The following EMCN variants were observed in gnomAD, a reference collection of about 807,000 sequenced individuals.
EMCN encodes MUC-14.
Under a neutral mutation model 38.4 loss-of-function variants are expected in EMCN, and 37 were observed. The observed-to-expected ratio is 0.96, with a 90% CI of 0.74 to 1.27. EMCN has a LOEUF of 1.27. Among genes scored for constraint, EMCN ranks in the 50% most tolerant of loss-of-function variants. The probability of loss-of-function intolerance (pLI) is 0.00; values close to 1 mark genes in which losing one functional copy is unlikely to be tolerated. For synonymous variants in EMCN, 95 were observed against 100.8 expected (o/e 0.94, Z 0.35); for missense variants, 318 against 302.8 (o/e 1.05, Z -0.37).
At chr4:100,449,116 C>T (rs1727767823) in intron 4 of EMCN, among the ~76,000 whole-genome samples, 2 of 151,880 alleles carry the variant, frequency 1.3e-5, no homozygotes, top group East Asian at 1.9e-4. Context: ...CCAGTAGAAA[C>T]ATATGGATAG....
chr4:100,399,336 A>G (rs567320121), intron 11 of EMCN, among the ~76,000 whole-genome samples: 4 of 152,178 alleles, frequency 2.6e-5, no homozygotes, highest in Admixed American at 1.3e-4. Context: ...TGGGGAGAGC[A>G]TGATATGGTG....
At position 100,450,298 on chromosome 4, in the gene EMCN, T is replaced by G. The variant is rs137926872; in HGVS notation, c.377-2727A>C. 3.0e-4 allele frequency among the ~76,000 whole-genome samples: 46 copies of G among 152,066 alleles called. No individual in the cohort carries two copies. In the East Asian group the frequency reaches 6.0e-3, roughly 20 times the overall value. On this transcript the variant is annotated intron_variant, in intron 4 of 11. Coordinates refer to ENST00000296420, the MANE Select transcript of EMCN (RefSeq NM_016242.4). ...TTAATTTTTGAATATGAAATTGAAG[T>G]CTTATGAAATGTAAATGAATTTTGA...
intron 1 of EMCN, among the ~76,000 whole-genome samples, chr4:100,511,760 C>T (rs1166620201): frequency 4.0e-5 from 6 of 151,700 alleles, no homozygotes; most frequent in Admixed American, 6.6e-5. Context: ...AAAATGTTCT[C>T]ATCAAGAAAA....
chr4:100,422,740 T>C (rs1365195185), intron 7 of EMCN, among the ~76,000 whole-genome samples: 1 of 151,866 alleles, frequency 6.6e-6, no homozygotes, highest in African/African-American at 2.4e-5. Flanking sequence ...TTGATCGTAA[T>C]TGTTAAACAC....
At chr4:100,489,827 G>A (rs1729031480) in intron 1 of EMCN, among the ~76,000 whole-genome samples, 1 of 152,100 alleles carries the variant, frequency 6.6e-6, no homozygotes, top group Non-Finnish European at 1.5e-5. Context: ...GCCGACTGTG[G>A]GACTTGAGCA....
chr4:100,443,922 A>C (rs531519370), intron 5 of EMCN, among the ~76,000 whole-genome samples: 1 of 152,350 alleles, frequency 6.6e-6, no homozygotes, highest in East Asian at 1.9e-4. Flanking sequence ...ACCAGGAGTC[A>C]ACAGAGGTCA....
chr4:100,468,993 G>C (rs1310856635), intron 3 of EMCN, among the ~76,000 whole-genome samples: 2 of 151,946 alleles, frequency 1.3e-5, no homozygotes, highest in Non-Finnish European at 2.9e-5. Context: ...ATATCACAAA[G>C]CTACAGTAAT....
intron 1 of EMCN, among the ~76,000 whole-genome samples, chr4:100,486,270 G>T (rs933979685): frequency 1.3e-5 from 2 of 151,928 alleles, no homozygotes; most frequent in Non-Finnish European, 2.9e-5. Flanking sequence ...AACAGGGAAA[G>T]AAAAAAGTTT....
chr4:100,487,130 C>G (rs1364460873), intron 1 of EMCN: 1 of 472,180 alleles, frequency 2.1e-6, no homozygotes, highest in Non-Finnish European at 2.8e-6. Flanking sequence ...AGACACTTGT[C>G]CTGAGATCCC....
At chr4:100,422,714 G>A (rs1182884440) in intron 7 of EMCN, among the ~76,000 whole-genome samples, 2 of 151,662 alleles carry the variant, frequency 1.3e-5, no homozygotes, top group African/African-American at 2.4e-5. Context: ...TAGTCCCATC[G>A]AGTCATCCTT....
chr4:100,495,786 T>C (rs1729192202), intron 1 of EMCN, among the ~76,000 whole-genome samples: 1 of 152,128 alleles, frequency 6.6e-6, no homozygotes, highest in African/African-American at 2.4e-5. Flanking sequence ...TATCTGTGTA[T>C]CTTTAGCTAC....
intron 4 of EMCN, among the ~76,000 whole-genome samples, chr4:100,451,492 T>C (rs1041669515): frequency 1.4e-4 from 21 of 152,022 alleles, no homozygotes; most frequent in African/African-American, 4.3e-4. Flanking sequence ...CTGGTTAGAA[T>C]TGCAGGTTTA....
rs527261174 is a variant in EMCN at position 100,420,345 on chromosome 4, A to T, written c.664+937T>A. 3.3e-5 allele frequency among the ~76,000 whole-genome samples: 5 copies of T among 152,054 alleles called. 1 individual carries two copies. Among genetic ancestry groups the T allele is most frequent in the Admixed American group, 6.6e-5 (1 of 15,252 alleles). The stretch of plus-strand genomic sequence containing the variant: ...GAAGTGGTATGTTATAAAAAGATAC[A>T]GTAAATTTGTGTTTGAGTTGAGTCC... On this transcript the variant is annotated intron_variant, in intron 8 of 11. Transcript: ENST00000296420.
At chr4:100,456,632 T>C (rs992739619) in intron 4 of EMCN, among the ~76,000 whole-genome samples, 2 of 147,266 alleles carry the variant, frequency 1.4e-5, no homozygotes, top group African/African-American at 2.5e-5. Context: ...TATCTTTTAG[T>C]TTTTTTTTTG....
intron 1 of EMCN, among the ~76,000 whole-genome samples, chr4:100,492,429 A>G (rs2110293312): frequency 6.6e-6 from 1 of 152,270 alleles, no homozygotes; most frequent in South Asian, 2.1e-4. Flanking sequence ...AAACATACAC[A>G]TAATGGGAAT....
rs200233624 is a variant in EMCN at position 100,427,451 on chromosome 4, C to CT, written c.416-4048dup. Among the ~76,000 whole-genome samples the CT allele has an allele frequency of 7.5e-3, 981 of 130,954 alleles. 14 individuals are homozygous for CT. Among genetic ancestry groups the CT allele is most frequent in the East Asian group, 0.035 (168 of 4,776 alleles). 85.9% of individuals were successfully genotyped at this position (130,954 alleles called of 152,430 possible). ...CACACCCAGCTAATTTTCTCTCTCTCTCTTTTTTTTTTTTTTTGTAGAGAT... is the reference window on the plus strand; with the variant it reads ...CACACCCAGCTAATTTTCTCTCTCTCTTCTTTTTTTTTTTTTTTGTAGAGAT... On this transcript the variant is annotated intron_variant, in intron 5 of 11. Coordinates refer to ENST00000296420, the MANE Select transcript of EMCN (RefSeq NM_016242.4).
chr4:100,428,443 T>G (rs1277224472), intron 5 of EMCN, among the ~76,000 whole-genome samples: 1 of 152,182 alleles, frequency 6.6e-6, no homozygotes, highest in African/African-American at 2.4e-5. Flanking sequence ...ACATTTTCTC[T>G]TTCTCAGAGC....
Position 100,475,048 on chromosome 4 carries a change from A to T in EMCN, c.249T>A (p.Ser83Arg), listed in dbSNP as rs753553447. ...TGAATCATTACTCACCTTCATCTTT[A>T]CTTGTTAAAAAAGTAGCTGTTGACA... ...SLMSTATFLTSKDEGLKATTT... is the reference protein window; with the variant it reads ...SLMSTATFLTRKDEGLKATTT... The change falls in exon 3 of 12, where the codon AGT becomes AGA. Residue 83 changes from serine (S) to arginine (R), a missense_variant. Ser to Arg is a moderately radical substitution (Grantham distance 110). Transcript: ENST00000296420. 4 of 1,520,062 alleles carry T rather than the reference A, an allele frequency of 2.6e-6. No individual in the cohort carries two copies. The Admixed American group carries it at 7.2e-5, about 27-fold the overall frequency. 94.2% of individuals were successfully genotyped at this position (1,520,062 alleles called of 1,614,324 possible).
At chr4:100,476,979 T>A (rs1345563812) in intron 2 of EMCN, among the ~76,000 whole-genome samples, 3 of 152,186 alleles carry the variant, frequency 2.0e-5, no homozygotes, top group South Asian at 2.1e-4. Context: ...GTTTTTAAAA[T>A]TTTGTTCTTT....
Sources: gnomAD v4.1 joint callset for allele counts (sites outside exome capture counted in the v4.1 genomes callset) on GRCh38, gnomAD v4.1.1 for gene constraint, MANE v1.5 for transcripts, NCBI Gene and HGNC (gene_info 2026-07-23, HGNC 2026-07-21) for gene names.